The following E2F7 variants were observed in gnomAD, a reference collection of about 807,000 sequenced individuals.
E2F7 encodes transcription factor E2F7.
E2F7 carries 35 observed loss-of-function variants against 81.1 expected under a neutral mutation model. The observed-to-expected ratio is 0.43, with a 90% CI of 0.33 to 0.57. E2F7 has a LOEUF of 0.57. Ranked by LOEUF, E2F7 falls within the 20% of genes least tolerant of loss-of-function variation. The pLI, the probability that E2F7 is intolerant of heterozygous loss-of-function variation, is 0.04. For missense variants in E2F7, 961 were observed against 1,093.7 expected (o/e 0.88, Z 1.71); for synonymous variants, 416 against 416.2 (o/e 1.00, Z 0.01).
intron 4 of E2F7, among the ~76,000 whole-genome samples, chr12:77,049,285 A>G (rs1374494960): frequency 6.6e-6 from 1 of 152,066 alleles, no homozygotes; most frequent in Non-Finnish European, 1.5e-5. Context: ...ATTGCCCCCA[A>G]TCCTAGAATA....
intron 2 of E2F7, among the ~76,000 whole-genome samples, chr12:77,061,317 C>T (rs1436133646): frequency 6.6e-6 from 1 of 152,186 alleles, no homozygotes; most frequent in African/African-American, 2.4e-5. Flanking sequence ...CCTTCATTCT[C>T]ACCCACTCCC....
Position 77,044,288 on chromosome 12 carries a change from G to A in E2F7, c.988+349C>T, listed in dbSNP as rs897701508. On this transcript the variant is annotated intron_variant, in intron 6 of 12. Transcript: ENST00000322886. ...CTCCACCCTTCAGAAGAGTATGCAGGGGGTGGGGAAAAAAGGGGAAAGAAA... is the reference window on the plus strand; with the variant it reads ...CTCCACCCTTCAGAAGAGTATGCAGAGGGTGGGGAAAAAAGGGGAAAGAAA... The A allele has an allele frequency of 6.4e-6, 3 of 465,512 alleles. No individual in the cohort carries two copies. In the Admixed American group the frequency reaches 7.1e-5, roughly 11 times the overall value. 28.8% of individuals were successfully genotyped at this position (465,512 alleles called of 1,614,324 possible).
At chr12:77,047,382 T>A (rs1175875571) in intron 4 of E2F7, among the ~76,000 whole-genome samples, 1 of 152,232 alleles carries the variant, frequency 6.6e-6, no homozygotes, top group East Asian at 1.9e-4. Context: ...CTTTTGTCAT[T>A]CCTTTTGGCA....
At chr12:77,059,351 A>G (rs1955060029) in intron 2 of E2F7, among the ~76,000 whole-genome samples, 1 of 152,194 alleles carries the variant, frequency 6.6e-6, no homozygotes, top group Non-Finnish European at 1.5e-5. Flanking sequence ...GGCTGTGGAA[A>G]GGGCACTGCA....
chr12:77,058,260 G>T (rs1345953734), intron 2 of E2F7, among the ~76,000 whole-genome samples: 3 of 152,094 alleles, frequency 2.0e-5, no homozygotes, highest in African/African-American at 7.2e-5. Context: ...CATGTATTTT[G>T]CATGTATTGA....
chr12:77,046,886 T>C (rs1018548314), intron 4 of E2F7, among the ~76,000 whole-genome samples: 15 of 152,352 alleles, frequency 9.8e-5, no homozygotes, highest in Middle Eastern at 3.4e-3. Flanking sequence ...GCAAATATTA[T>C]GTTTTCTATT....
intron 6 of E2F7, among the ~76,000 whole-genome samples, chr12:77,043,982 C>A (rs559740952): frequency 6.6e-6 from 1 of 152,278 alleles, no homozygotes; most frequent in East Asian, 1.9e-4. Context: ...AAGCATTCAC[C>A]CTGGATGCAG....
intron 7 of E2F7, among the ~76,000 whole-genome samples, chr12:77,040,250 C>T (rs899476731): frequency 4.6e-5 from 7 of 152,136 alleles, no homozygotes; most frequent in East Asian, 1.9e-4. Context: ...GCCTGATCAA[C>T]GCTTATATAA....
chr12:77,058,573 T>C lies in E2F7; in HGVS notation c.94-2443A>G, dbSNP rs114522324. Among the ~76,000 whole-genome samples the C allele has an allele frequency of 6.8e-3, 1,042 of 152,246 alleles. 17 individuals carry two copies. The highest frequency in any genetic ancestry group is 0.023 in the African/African-American group (967 of 41,536). On this transcript the variant is annotated intron_variant, in intron 2 of 12. Coordinates refer to ENST00000322886, the MANE Select transcript of E2F7 (RefSeq NM_203394.3). ...GAGAGGCAGCATGGGGAAATAGTTA[T>C]ATACACAGGATGTAGGGCCAGTTAA...
intron 7 of E2F7, among the ~76,000 whole-genome samples, chr12:77,039,924 T>C (rs1954881571): frequency 6.6e-6 from 1 of 152,204 alleles, no homozygotes; most frequent in Non-Finnish European, 1.5e-5. Context: ...TGAAACATGC[T>C]ACAATATGTA....
chr12:77,037,217 C>A (rs990163615), intron 7 of E2F7, among the ~76,000 whole-genome samples: 2 of 152,008 alleles, frequency 1.3e-5, no homozygotes, highest in African/African-American at 4.8e-5. Flanking sequence ...CTTACATTTA[C>A]AAAAAAATGA....
chr12:77,028,120 C>G lies in E2F7; in HGVS notation c.1903G>C (p.Asp635His). Reference sequence around the variant, plus strand: ...CCCATAGTCTTGGGAGAGGCAAGGTCTGTGGAATCTGAGGGTTTCTAAACA... The same window carrying G: ...CCCATAGTCTTGGGAGAGGCAAGGTGTGTGGAATCTGAGGGTTTCTAAACA... The part of the protein sequence containing the change: ...VMPKKPSDST[D>H]LASPKTMGNR... The change falls in exon 11 of 13, where the codon GAC becomes CAC. Residue 635 changes from aspartate (D) to histidine (H), a missense_variant. By Grantham distance (81) the Asp-to-His change is moderately conservative. Coordinates refer to ENST00000322886, the MANE Select transcript of E2F7 (RefSeq NM_203394.3). 1 of 1,613,656 alleles carries G rather than the reference C, an allele frequency of 6.2e-7. No homozygotes were observed. Among genetic ancestry groups the G allele is most frequent in the African/African-American group, 1.3e-5 (1 of 74,984 alleles).
At chr12:77,027,823 A>C (rs1954771575) in intron 11 of E2F7, 60 bp downstream of exon 11, 7 of 1,577,960 alleles carry the variant, frequency 4.4e-6, no homozygotes, top group Non-Finnish European at 5.2e-6. Flanking sequence ...CAAAAATTTA[A>C]AAATCCAATT....
chr12:77,037,877 A>T (rs998922267), intron 7 of E2F7, among the ~76,000 whole-genome samples: 1 of 152,168 alleles, frequency 6.6e-6, no homozygotes, highest in African/African-American at 2.4e-5. Flanking sequence ...GTCAGATTAG[A>T]TTTAAAAAAA....
chr12:77,027,940 T>A lies in E2F7; in HGVS notation c.2083A>T (p.Asn695Tyr). Residue 695 changes from asparagine to tyrosine, a missense_variant, in exon 11 of 13, where the codon AAT becomes TAT. Asn to Tyr is a moderately radical substitution (Grantham distance 143). Around this residue, in one of 3 missense-constraint regions of E2F7, gnomAD observed 587 missense variants for 620.3 expected, o/e 0.95. Coordinates refer to ENST00000322886, the MANE Select transcript of E2F7 (RefSeq NM_203394.3). ...AAAGAAGGCTCTTTGGTGCTTTCAT[T>A]TTCTTTTGAAGGCTTTTCAACATCT... ...NTDVEKPSKE[N>Y]ESTKEPSLLQ... The A allele has an allele frequency of 6.2e-7, 1 of 1,614,220 alleles. No individual in the cohort carries two copies. The highest frequency in any genetic ancestry group is 1.1e-5 in the South Asian group (1 of 91,090).
intron 7 of E2F7, among the ~76,000 whole-genome samples, chr12:77,042,334 T>A (rs1375500447): frequency 6.6e-6 from 1 of 152,228 alleles, no homozygotes; most frequent in Non-Finnish European, 1.5e-5. Flanking sequence ...GAGAGCTATA[T>A]ATTTATACGC....
At chr12:77,044,956 G>A (rs747255067) in intron 5 of E2F7, among the ~76,000 whole-genome samples, 161 bp from the exon 6 acceptor site, 7 of 152,172 alleles carry the variant, frequency 4.6e-5, no homozygotes, top group Non-Finnish European at 7.4e-5. Flanking sequence ...GTCAGCTCAG[G>A]AAGAAATGAG....
At chr12:77,039,936 C>G (rs1178617244) in intron 7 of E2F7, among the ~76,000 whole-genome samples, 2 of 152,156 alleles carry the variant, frequency 1.3e-5, no homozygotes, top group East Asian at 3.8e-4. Context: ...CAATATGTAT[C>G]AATCTCAAAA....
At chr12:77,032,106 G>A (rs1954812648) in intron 9 of E2F7, among the ~76,000 whole-genome samples, 1 of 152,188 alleles carries the variant, frequency 6.6e-6, no homozygotes, top group African/African-American at 2.4e-5. Context: ...CTGCCCTACA[G>A]CAGACCAGAA....
Sources: allele counts gnomAD v4.1 joint callset (sites outside exome capture counted in the v4.1 genomes callset), GRCh38; gene constraint gnomAD v4.1.1; regional missense constraint gnomAD v4.1.1; transcripts MANE v1.5; gene names NCBI Gene and HGNC (gene_info 2026-07-23, HGNC 2026-07-21).